SDCCAG8: variants seen among roughly 807,000 people sequenced by gnomAD.
SDCCAG8 encodes SHH signaling and ciliogenesis regulator SDCCAG8, also known as serologically defined colon cancer antigen 8.
SDCCAG8 carries 74 observed loss-of-function variants against 101.8 expected under a neutral mutation model. The observed-to-expected ratio is 0.73, with a 90% CI of 0.60 to 0.88. The LOEUF is 0.88. Among genes scored for constraint, SDCCAG8 ranks in the 40% least tolerant of loss-of-function variants. SDCCAG8 has a pLI of 0.00. For missense variants in SDCCAG8, 787 were observed against 822.6 expected, an observed-to-expected ratio of 0.96 and a Z score of 0.53; for synonymous variants, 281 against 292.9, an observed-to-expected ratio of 0.96 and a Z score of 0.41.
At chr1:243,481,210 G>A (rs1663688096) in intron 16 of SDCCAG8, among the ~76,000 whole-genome samples, 1 of 152,098 alleles carries the variant, frequency 6.6e-6, no homozygotes, top group African/African-American at 2.4e-5. Flanking sequence ...GCCCAGCCCT[G>A]GGTCACACCA....
chr1:243,290,734 A>G (rs1408924542), intron 5 of SDCCAG8, among the ~76,000 whole-genome samples: 1 of 152,124 alleles, frequency 6.6e-6, no homozygotes, highest in Non-Finnish European at 1.5e-5. Context: ...CATCTAGCTT[A>G]CCCTTACTTA....
chr1:243,460,668 G>C (rs1362127926), intron 16 of SDCCAG8, among the ~76,000 whole-genome samples: 1 of 152,236 alleles, frequency 6.6e-6, no homozygotes, highest in Non-Finnish European at 1.5e-5. Flanking sequence ...TTATTGTGAA[G>C]AAAGAGATGG....
In SDCCAG8 at chr1:243,372,362, G is replaced by A. The variant is rs191448874; in HGVS notation, c.1474-6359G>A. ...CAAGTCACCCTATATTAAAGATGGC[G>A]AAATAATTTTTAAGTCACATAATGT... On this transcript the variant is annotated intron_variant, in intron 12 of 17. Transcript: ENST00000366541. 3.2e-3 allele frequency among the ~76,000 whole-genome samples: 483 copies of A among 152,076 alleles called. 4 individuals carry two copies. The highest frequency in any genetic ancestry group is 4.1e-3 in the Non-Finnish European group (278 of 67,972).
At chr1:243,298,350 CTTTTTTTTTTTT>C (rs35061154) in intron 6 of SDCCAG8, among the ~76,000 whole-genome samples, 11 of 51,080 alleles carry the variant, frequency 2.2e-4, no homozygotes, top group African/African-American at 8.1e-4. Context: ...CGCACCCTGC[CTTTTTTTTTTTT>C]TTTTTTTTTT....
intron 16 of SDCCAG8, among the ~76,000 whole-genome samples, chr1:243,462,254 T>A (rs1278241183): frequency 6.6e-6 from 1 of 152,180 alleles, no homozygotes; most frequent in African/African-American, 2.4e-5. Context: ...GGATGCATGA[T>A]CTAGAAGAGG....
chr1:243,370,904 A>C (rs573336367), intron 12 of SDCCAG8, among the ~76,000 whole-genome samples: 2 of 152,154 alleles, frequency 1.3e-5, no homozygotes, highest in Non-Finnish European at 2.9e-5. Flanking sequence ...AAAATGTTGC[A>C]TATTTTATTG....
intron 11 of SDCCAG8, among the ~76,000 whole-genome samples, chr1:243,342,843 T>A (rs1171831763): frequency 6.6e-6 from 1 of 152,224 alleles, no homozygotes; most frequent in African/African-American, 2.4e-5. Context: ...TTCATTATTG[T>A]TCTAGCTTTC....
At chr1:243,301,014 T>C (rs1422479420) in intron 6 of SDCCAG8, among the ~76,000 whole-genome samples, 2 of 152,158 alleles carry the variant, frequency 1.3e-5, no homozygotes, top group Admixed American at 6.5e-5. Flanking sequence ...ATGTAGGTAA[T>C]AGTCTATTTT....
chr1:243,441,391 G>A (rs2082526408), intron 16 of SDCCAG8, among the ~76,000 whole-genome samples: 1 of 151,926 alleles, frequency 6.6e-6, no homozygotes, highest in Non-Finnish European at 1.5e-5. Context: ...CTTTTTCTTT[G>A]TCTGATACTC....
At chr1:243,496,474 GAC>G (rs1467554023) in intron 17 of SDCCAG8, among the ~76,000 whole-genome samples, 1 of 152,236 alleles carries the variant, frequency 6.6e-6, no homozygotes, top group East Asian at 1.9e-4. Context: ...TTTATTGCCA[GAC>G]ACACAAGGAA....
At chr1:243,438,516 T>TTGTGTGTGTGTGTG (rs147959124) in intron 16 of SDCCAG8, among the ~76,000 whole-genome samples, 45 of 146,514 alleles carry the variant, frequency 3.1e-4, no homozygotes, top group African/African-American at 8.7e-4. Context: ...GTGGGAGTGA[T>TTGTGTGTGTGTGTG]TGTGTGTGTG....
At chr1:243,370,277 T>C (rs1416693543) in intron 12 of SDCCAG8, among the ~76,000 whole-genome samples, 1 of 152,000 alleles carries the variant, frequency 6.6e-6, no homozygotes, top group Non-Finnish European at 1.5e-5. Context: ...TGAAAAAGCA[T>C]GATAGGATTA....
chr1:243,257,726 A>G (rs1303710882), intron 1 of SDCCAG8, among the ~76,000 whole-genome samples: 1 of 152,246 alleles, frequency 6.6e-6, no homozygotes, highest in Non-Finnish European at 1.5e-5. Context: ...GAGTAAAAAA[A>G]TCGGTTTTAA....
rs113121785 is a variant in SDCCAG8 at position 243,416,468 on chromosome 1, T to A, written c.1744+639T>A. Among the ~76,000 whole-genome samples the A allele has an allele frequency of 6.6e-6, 1 of 152,182 alleles. No individual in the cohort carries two copies. Among genetic ancestry groups the A allele is most frequent in the Non-Finnish European group, 1.5e-5 (1 of 68,032 alleles). ...GATTTCCCCACCTCCCCCAACCCAA[T>A]CTAGAGTGATGTTTAATCCTTTGCA... is the stretch of plus-strand genomic sequence containing the variant. On this transcript the variant is annotated intron_variant, in intron 14 of 17. Coordinates refer to ENST00000366541, the MANE Select transcript of SDCCAG8 (RefSeq NM_006642.5). The surrounding 1 kb of genome is among the most constrained non-coding windows in gnomAD (Gnocchi z 4.3).
At chr1:243,435,954 TACATGC>T (rs2082100793) in intron 16 of SDCCAG8, among the ~76,000 whole-genome samples, 1 of 152,138 alleles carries the variant, frequency 6.6e-6, no homozygotes, top group Non-Finnish European at 1.5e-5. Flanking sequence ...ATATACCCCA[TACATGC>T]ATAGCCTCCC....
intron 7 of SDCCAG8, chr1:243,307,387 C>T: frequency 2.0e-6 from 2 of 980,144 alleles, no homozygotes; most frequent in Non-Finnish European, 2.4e-6. Flanking sequence ...CCTTCTGTAA[C>T]TTACTTTCTT....
At chr1:243,447,738 A>G (rs1469724059) in intron 16 of SDCCAG8, among the ~76,000 whole-genome samples, 1 of 152,246 alleles carries the variant, frequency 6.6e-6, no homozygotes, top group African/African-American at 2.4e-5. Context: ...AAAAGCATTG[A>G]TAAGTCTTCA....
intron 16 of SDCCAG8, among the ~76,000 whole-genome samples, chr1:243,445,839 C>T (rs1021947818): frequency 3.9e-5 from 6 of 152,192 alleles, no homozygotes; most frequent in African/African-American, 1.4e-4. Context: ...GGTGGAAATT[C>T]AGCTTTGTTG....
rs548997653 is a variant in SDCCAG8 at position 243,399,600 on chromosome 1, G to A, written c.1617-16102G>A. Among the ~76,000 whole-genome samples the A allele has an allele frequency of 9.9e-5, 15 of 152,090 alleles. 1 individual carries two copies. In the South Asian group the frequency reaches 2.1e-3, roughly 21 times the overall value. On this transcript the variant is annotated intron_variant, in intron 13 of 17. Coordinates refer to ENST00000366541, the MANE Select transcript of SDCCAG8 (RefSeq NM_006642.5). The stretch of plus-strand genomic sequence containing the variant: ...CAGCTTACTGCAACCTCCGCCTCCC[G>A]GGTTCAAGTGATTCTCCTGCCTCAG...
Sources: allele counts gnomAD v4.1 joint callset (sites outside exome capture counted in the v4.1 genomes callset), GRCh38; gene constraint gnomAD v4.1.1; non-coding constraint Gnocchi (gnomAD v3.1); transcripts MANE v1.5; gene names NCBI Gene and HGNC (gene_info 2026-07-23, HGNC 2026-07-21).